Variants in C20orf203 observed in about 807,000 individuals in gnomAD.
C20orf203 encodes the protein chromosome 20 open reading frame 203, also known as uncharacterized protein C20orf203.
A neutral mutation model predicts 15.9 loss-of-function variants in C20orf203; 16 were observed. That is an observed-to-expected ratio of 1.01 (90% CI 0.68 to 1.53). The LOEUF (loss-of-function observed/expected upper bound fraction) is 1.53. Ranked by LOEUF, C20orf203 falls within the 40% of genes most tolerant of loss-of-function variation. C20orf203 has a pLI of 0.00. For synonymous variants in C20orf203, 98 were observed against 97.2 expected (o/e 1.01, Z -0.05); for missense variants, 263 against 247.5 (o/e 1.06, Z -0.42).
At chr20:32,672,736 C>T (rs1414513622) in intron 1 of C20orf203, among the ~76,000 whole-genome samples, 1 of 152,120 alleles carries the variant, frequency 6.6e-6, no homozygotes, top group Non-Finnish European at 1.5e-5. Flanking sequence ...TCCTCCTCTA[C>T]CCTCCCCACT....
intron 4 of C20orf203, among the ~76,000 whole-genome samples, chr20:32,645,138 A>G (rs748640): frequency 0.17 from 26,481 of 152,096 alleles, 3,475 homozygotes; most frequent in East Asian, 0.52. Flanking sequence ...CACACTGTGG[A>G]TGGAGAAACT....
intron 1 of C20orf203, among the ~76,000 whole-genome samples, chr20:32,671,174 T>C (rs1431400419): frequency 6.6e-6 from 1 of 152,206 alleles, no homozygotes; most frequent in Non-Finnish European, 1.5e-5. Context: ...GGAATCCCAC[T>C]TGCAGGTATT....
chr20:32,642,933 C>T (rs2145664337), intron 4 of C20orf203, among the ~76,000 whole-genome samples: 1 of 152,182 alleles, frequency 6.6e-6, no homozygotes, highest in African/African-American at 2.4e-5. Flanking sequence ...GAAATGAGAC[C>T]CTAAGGCTGT....
At chr20:32,653,500 A>C (rs1386723674) in intron 1 of C20orf203, among the ~76,000 whole-genome samples, 1 of 152,084 alleles carries the variant, frequency 6.6e-6, no homozygotes, top group Admixed American at 6.6e-5. Flanking sequence ...CTGTGTTGGC[A>C]AGGGATGGGG....
intron 4 of C20orf203, among the ~76,000 whole-genome samples, chr20:32,642,574 T>G (rs2145664092): frequency 6.6e-6 from 1 of 152,306 alleles, no homozygotes; most frequent in East Asian, 1.9e-4. Context: ...TGGCCTGTTT[T>G]TACGTGACTG....
At chr20:32,671,840 CAA>C (rs869043468) in intron 1 of C20orf203, among the ~76,000 whole-genome samples, 15,244 of 66,560 alleles carry the variant, frequency 0.23, 769 homozygotes, top group Non-Finnish European at 0.28. Context: ...ACTCTGTCTC[CAA>C]AAAAAAAAAA....
intron 1 of C20orf203, among the ~76,000 whole-genome samples, chr20:32,663,325 G>GAA (rs796546645): frequency 3.2e-5 from 4 of 125,662 alleles, no homozygotes; most frequent in African/African-American, 8.5e-5. Flanking sequence ...AAGAGAATGA[G>GAA]AAAAAAAAAA....
At chr20:32,654,618 A>C in intron 1 of C20orf203, among the ~76,000 whole-genome samples, 1 of 151,820 alleles carries the variant, frequency 6.6e-6, no homozygotes, top group East Asian at 1.9e-4. Context: ...CGAGGTGGGC[A>C]GATCACTTGA....
intron 5 of C20orf203, among the ~76,000 whole-genome samples, chr20:32,637,062 G>A (rs1185930612): frequency 3.9e-5 from 6 of 152,228 alleles, no homozygotes; most frequent in South Asian, 4.1e-4. Flanking sequence ...CCACAGAAGA[G>A]GCCCAAGGAC....
At chr20:32,645,943 C>T (rs1372991805) in intron 4 of C20orf203, among the ~76,000 whole-genome samples, 1 of 152,190 alleles carries the variant, frequency 6.6e-6, no homozygotes, top group Non-Finnish European at 1.5e-5. Context: ...TCCCCAGCTT[C>T]CTCACTGGGT....
intron 4 of C20orf203, among the ~76,000 whole-genome samples, chr20:32,647,653 C>T (rs1475924026): frequency 1.3e-5 from 2 of 152,058 alleles, no homozygotes; most frequent in African/African-American, 4.8e-5. Flanking sequence ...TGTAGTGAGT[C>T]AAGATTATGC....
intron 5 of C20orf203, among the ~76,000 whole-genome samples, chr20:32,635,985 G>A (rs773194121): frequency 3.9e-5 from 6 of 152,108 alleles, no homozygotes; most frequent in South Asian, 2.1e-4. Flanking sequence ...GACTCCTGCC[G>A]TTCCTGTCTG....
chr20:32,655,324 C>G (rs1028046516), intron 1 of C20orf203, among the ~76,000 whole-genome samples: 3 of 152,194 alleles, frequency 2.0e-5, no homozygotes, highest in Non-Finnish European at 4.4e-5. Context: ...GAAATCCCAG[C>G]ACTTTGGGAG....
At chr20:32,648,717 G>C (rs142923143) in intron 4 of C20orf203, among the ~76,000 whole-genome samples, 7,076 of 151,714 alleles carry the variant, frequency 0.047, 533 homozygotes, top group African/African-American at 0.16. Flanking sequence ...CTCTCAAAGC[G>C]CTGGGATTAC....
rs947088863 is a variant in C20orf203 at position 32,673,770 on chromosome 20, C to T, written c.-402G>A. 3 of 152,192 alleles carry T rather than the reference C, an allele frequency of 2.0e-5. No individual in the cohort carries two copies. The highest frequency in any genetic ancestry group is 2.1e-4 in the South Asian group (1 of 4,824). The allele number at this position is 152,192 out of a possible 1,614,324, so 9.4% of individuals were successfully genotyped here. ...CCTTTGCTCACTGTGATGTCTCCGACGCAAAGCAGAGAGCCCGCCAGCGTA... is the reference window on the plus strand; with the variant it reads ...CCTTTGCTCACTGTGATGTCTCCGATGCAAAGCAGAGAGCCCGCCAGCGTA... On this transcript the variant is annotated 5_prime_UTR_variant, in exon 1 of 6. Transcript: ENST00000608990.
chr20:32,658,944 C>T lies in C20orf203; in HGVS notation c.-263-6963G>A, dbSNP rs144255965. ...AGGCTGGAGTACAATGGCGTGATCTCGGCTCACCACAACCTTCGCCTCCTG... is the reference window on the plus strand; with the variant it reads ...AGGCTGGAGTACAATGGCGTGATCTTGGCTCACCACAACCTTCGCCTCCTG... On this transcript the variant is annotated intron_variant, in intron 1 of 5. Transcript: ENST00000608990. Among the ~76,000 whole-genome samples, 384 of 151,980 alleles carry T rather than the reference C, an allele frequency of 2.5e-3. 3 individuals are homozygous for T. Among genetic ancestry groups the T allele is most frequent in the African/African-American group, 7.9e-3 (328 of 41,440 alleles).
intron 5 of C20orf203, among the ~76,000 whole-genome samples, chr20:32,637,982 G>A (rs1982184400): frequency 6.9e-6 from 1 of 145,662 alleles, no homozygotes; most frequent in South Asian, 2.1e-4. Context: ...GTGCGTGTGT[G>A]TGCATTGTGT....
chr20:32,669,318 T>C (rs1185648969), intron 1 of C20orf203, among the ~76,000 whole-genome samples: 1 of 152,228 alleles, frequency 6.6e-6, no homozygotes, highest in African/African-American at 2.4e-5. Context: ...GCTAGAACTA[T>C]AGGCATATGC....
At chr20:32,671,715 T>C (rs1983170604) in intron 1 of C20orf203, among the ~76,000 whole-genome samples, 1 of 151,744 alleles carries the variant, frequency 6.6e-6, no homozygotes, top group Non-Finnish European at 1.5e-5. Context: ...GGCGCACACC[T>C]ATAATCCCAG....
Sources: gnomAD v4.1 joint callset for allele counts (sites outside exome capture counted in the v4.1 genomes callset) on GRCh38, gnomAD v4.1.1 for gene constraint, MANE v1.5 for transcripts, NCBI Gene and HGNC (gene_info 2026-07-23, HGNC 2026-07-21) for gene names.